Variants in MOSMO observed in about 807,000 individuals in gnomAD.
MOSMO encodes the protein modulator of smoothened protein.
In MOSMO, 5 loss-of-function variants were observed where a neutral mutation model predicts 18.4. The observed-to-expected ratio is 0.27, with a 90% CI of 0.14 to 0.57. MOSMO has a LOEUF of 0.57. MOSMO is among the 20% of genes least tolerant of loss of function. MOSMO has a pLI of 0.92. For missense variants in MOSMO, 138 were observed against 211.8 expected, an observed-to-expected ratio of 0.65 and a Z score of 2.16; for synonymous variants, 82 against 82.3, an observed-to-expected ratio of 1.00 and a Z score of 0.02.
intron 1 of MOSMO, among the ~76,000 whole-genome samples, chr16:22,035,444 C>G (rs533280895): frequency 6.7e-6 from 1 of 149,552 alleles, no homozygotes; most frequent in African/African-American, 2.5e-5. Flanking sequence ...TCATAGGGCT[C>G]CTAGAGATAA....
chr16:22,068,886 C>A (rs1476390509), intron 1 of MOSMO, among the ~76,000 whole-genome samples: 2 of 152,136 alleles, frequency 1.3e-5, no homozygotes, highest in Admixed American at 6.5e-5. Context: ...TGGTGCACTG[C>A]AGGACAATTC....
In MOSMO at chr16:22,022,341, G is replaced by A. The variant is rs376682140; in HGVS notation, c.106+13934G>A. On this transcript the variant is annotated intron_variant, in intron 1 of 2. Transcript: ENST00000542527. ...CAGGCCCTGCCGGTATCACTTTCAC[G>A]ATGTACATTCTAACCATGCCCCTGA... Among the ~76,000 whole-genome samples, 58 of 152,086 alleles carry A rather than the reference G, an allele frequency of 3.8e-4. 1 individual carries two copies. Among genetic ancestry groups the A allele is most frequent in the African/African-American group, 1.1e-3 (46 of 41,390 alleles).
intron 1 of MOSMO, among the ~76,000 whole-genome samples, chr16:22,048,141 A>G (rs1316647237): frequency 6.6e-6 from 1 of 152,196 alleles, no homozygotes; most frequent in East Asian, 1.9e-4. Flanking sequence ...AGCATAGCAA[A>G]TAACACAGAT....
rs1018579066 is a variant in MOSMO, at chr16:22,082,716, T to C, written c.*1836T>C. 3.3e-5 allele frequency: 5 copies of C among 152,220 alleles called. No homozygotes were observed. The highest frequency in any genetic ancestry group is 5.9e-5 in the Non-Finnish European group (4 of 68,036). 9.4% of individuals were successfully genotyped at this position (152,220 alleles called of 1,614,324 possible). A position where few individuals can be genotyped will look rare whatever the true frequency, so the allele number is the denominator to read the frequency against. Reference sequence around the variant, plus strand: ...TGTTTCACACTGGCTTGTTTGACAGTCTTCTATCTTACTGTTAATTCAGCA... The same window carrying C: ...TGTTTCACACTGGCTTGTTTGACAGCCTTCTATCTTACTGTTAATTCAGCA... On this transcript the variant is annotated 3_prime_UTR_variant, in exon 3 of 3. Coordinates refer to ENST00000542527, the MANE Select transcript of MOSMO (RefSeq NM_001164579.2).
chr16:22,059,551 G>C (rs1489542476), intron 1 of MOSMO, among the ~76,000 whole-genome samples: 1 of 152,166 alleles, frequency 6.6e-6, no homozygotes. Context: ...AGTTCAGCAT[G>C]GCTGGGAAGG....
chr16:22,035,215 T>G (rs1470404634), intron 1 of MOSMO, among the ~76,000 whole-genome samples: 1 of 152,134 alleles, frequency 6.6e-6, no homozygotes. Flanking sequence ...TCTTCACAAG[T>G]GCTTCTTGGT....
Position 22,021,807 on chromosome 16 carries a change from AT to A in MOSMO, c.106+13401del, listed in dbSNP as rs1398162364. Among the ~76,000 whole-genome samples the A allele has an allele frequency of 4.6e-5, 7 of 150,576 alleles. No homozygotes were observed. The East Asian group carries it at 1.0e-3, about 22-fold the overall frequency. On this transcript the variant is annotated intron_variant, in intron 1 of 2. Coordinates refer to ENST00000542527, the MANE Select transcript of MOSMO (RefSeq NM_001164579.2). ...AGTGAGACCCTGTCTCAAAAAAAAA[AT>A]ATATATATATAGGGGAGAAGTCAGA...
At chr16:22,051,124 A>G (rs1900416679) in intron 1 of MOSMO, among the ~76,000 whole-genome samples, 1 of 152,206 alleles carries the variant, frequency 6.6e-6, no homozygotes, top group Admixed American at 6.5e-5. Context: ...GCGATGGCTC[A>G]TACCTGCAAT....
At position 22,082,360 on chromosome 16, in the gene MOSMO, C is replaced by A. The variant is rs1052475881; in HGVS notation, c.*1480C>A. On this transcript the variant is annotated 3_prime_UTR_variant, in exon 3 of 3. Coordinates refer to ENST00000542527, the MANE Select transcript of MOSMO (RefSeq NM_001164579.2). ...TTTTAAAATACAGTATTTCTCTTCT[C>A]CACATCTCCATGCCTTCGCATCAAT... 6.6e-6 allele frequency: 1 copy of A among 152,188 alleles called. No homozygotes were observed. The highest frequency in any genetic ancestry group is 1.5e-5 in the Non-Finnish European group (1 of 68,022). 9.4% of individuals were successfully genotyped at this position (152,188 alleles called of 1,614,324 possible).
At chr16:22,034,015 G>A (rs1223375285) in intron 1 of MOSMO, among the ~76,000 whole-genome samples, 1 of 152,126 alleles carries the variant, frequency 6.6e-6, no homozygotes. Context: ...CGATGGTCAA[G>A]TTGAAAAACT....
chr16:22,072,728 C>T (rs561523362), intron 1 of MOSMO, among the ~76,000 whole-genome samples: 25 of 151,040 alleles, frequency 1.7e-4, no homozygotes, highest in African/African-American at 5.8e-4. Flanking sequence ...AGGAGAATGG[C>T]GTGAACCCGG....
chr16:22,041,870 C>A (rs570722986), intron 1 of MOSMO, among the ~76,000 whole-genome samples: 6 of 152,004 alleles, frequency 3.9e-5, no homozygotes, highest in Admixed American at 1.3e-4. Flanking sequence ...TTTGTAGAGA[C>A]AAGGTCTCAC....
At chr16:22,075,410 T>C (rs1655352339) in intron 1 of MOSMO, 77 bp from the exon 2 acceptor site, 2 of 1,109,494 alleles carry the variant, frequency 1.8e-6, no homozygotes, top group African/African-American at 1.5e-5. Flanking sequence ...ATTTAAGAAC[T>C]AAAGGGGTGG....
intron 1 of MOSMO, among the ~76,000 whole-genome samples, chr16:22,050,538 G>A (rs547895072): frequency 4.4e-4 from 67 of 152,216 alleles, no homozygotes; most frequent in African/African-American, 1.5e-3. Context: ...CAGGGATACT[G>A]CTACACATCC....
At chr16:22,060,072 G>T (rs1397207238) in intron 1 of MOSMO, among the ~76,000 whole-genome samples, 2 of 152,218 alleles carry the variant, frequency 1.3e-5, no homozygotes, top group Non-Finnish European at 2.9e-5. Flanking sequence ...AGCTACTCAG[G>T]AGGCTGAGAC....
At chr16:22,041,759 C>G (rs1039272341) in intron 1 of MOSMO, among the ~76,000 whole-genome samples, 1 of 151,892 alleles carries the variant, frequency 6.6e-6, no homozygotes, top group Non-Finnish European at 1.5e-5. Context: ...CTCACTGCAG[C>G]CTTGAACTGG....
At chr16:22,008,668 G>C (rs942017997) in intron 1 of MOSMO, among the ~76,000 whole-genome samples, 1 of 151,786 alleles carries the variant, frequency 6.6e-6, no homozygotes, top group African/African-American at 2.4e-5. Flanking sequence ...GGGCTGGGCT[G>C]GCAAGTCCCG....
At chr16:22,090,533 A>G (rs529469970), downstream of MOSMO, among the ~76,000 whole-genome samples, 9 of 152,302 alleles carry the variant, frequency 5.9e-5, 2 homozygotes, top group South Asian at 1.9e-3. Context: ...CAGTTACTTC[A>G]GGCTACTGCT....
At chr16:22,069,157 A>T (rs1313100103) in intron 1 of MOSMO, among the ~76,000 whole-genome samples, 1 of 152,160 alleles carries the variant, frequency 6.6e-6, no homozygotes, top group Non-Finnish European at 1.5e-5. Context: ...GTCAAGGAAG[A>T]TAGCCCAGGA....
Sources: allele counts gnomAD v4.1 joint callset (sites outside exome capture counted in the v4.1 genomes callset), GRCh38; gene constraint gnomAD v4.1.1; transcripts MANE v1.5; gene names NCBI Gene and HGNC (gene_info 2026-07-23, HGNC 2026-07-21).